Variants in TNR observed in about 807,000 individuals in gnomAD.
TNR encodes tenascin R.
Under a neutral mutation model 150.4 loss-of-function variants are expected in TNR, and 45 were observed. That is an observed-to-expected ratio of 0.30 (90% CI 0.24 to 0.38). The LOEUF is 0.38. TNR is among the 10% of genes least tolerant of loss of function. The pLI is 1.00. For missense variants in TNR, 1,544 were observed against 1,759.1 expected (o/e 0.88, Z 2.19); for synonymous variants, 687 against 678.4 (o/e 1.01, Z -0.20).
intron 1 of TNR, among the ~76,000 whole-genome samples, chr1:175,694,063 T>G (rs1392689862): frequency 2.6e-5 from 4 of 152,228 alleles, no homozygotes; most frequent in Non-Finnish European, 4.4e-5. Context: ...TTCTTACTCA[T>G]GTTGTATTTA....
At chr1:175,699,261 G>A (rs1666617012) in intron 1 of TNR, among the ~76,000 whole-genome samples, 1 of 152,194 alleles carries the variant, frequency 6.6e-6, no homozygotes, top group African/African-American at 2.4e-5. Flanking sequence ...GTGAAAGGGA[G>A]AGGAGTTGTT....
At position 175,406,283 on chromosome 1, in the gene TNR, C is replaced by T. The variant is rs1296518714; in HGVS notation, c.432G>A (p.Leu144=). The part of the protein sequence containing the change: ...LQELLSRIEM[L]EREVSVLRDQ... ...CTCGCAGCACCGACACCTCCCTCTC[C>T]AGCATCTCGATCCGGCTCAGCAGCT... The change falls in exon 3 of 23, where the codon CTG becomes CTA. Residue 144 remains leucine (L), a synonymous_variant. Coordinates refer to ENST00000367674, the MANE Select transcript of TNR (RefSeq NM_003285.3). 24 of 1,614,074 alleles carry T rather than the reference C, an allele frequency of 1.5e-5. No homozygotes were observed. Among genetic ancestry groups the T allele is most frequent in the Non-Finnish European group, 2.0e-5 (24 of 1,180,044 alleles).
At chr1:175,412,169 CAGATG>C (rs1654241466) in intron 2 of TNR, among the ~76,000 whole-genome samples, 1 of 152,160 alleles carries the variant, frequency 6.6e-6, no homozygotes, top group African/African-American at 2.4e-5. Context: ...AGTTAATGGG[CAGATG>C]AGCCAAGACT....
At chr1:175,386,556 T>C (rs1027195492) in intron 7 of TNR, among the ~76,000 whole-genome samples, 1 of 152,158 alleles carries the variant, frequency 6.6e-6, no homozygotes, top group African/African-American at 2.4e-5. Context: ...TGATGGCACT[T>C]CCCAGTCTGG....
intron 1 of TNR, among the ~76,000 whole-genome samples, chr1:175,735,814 C>G (rs1051365590): frequency 6.6e-6 from 1 of 152,142 alleles, no homozygotes; most frequent in Non-Finnish European, 1.5e-5. Context: ...TGGTCTCTGG[C>G]TGACTGCAGA....
chr1:175,667,356 C>A (rs1665560394), intron 1 of TNR, among the ~76,000 whole-genome samples: 1 of 152,232 alleles, frequency 6.6e-6, no homozygotes, highest in East Asian at 1.9e-4. Context: ...CCCCAGCCCA[C>A]ACCTAATGCT....
intron 2 of TNR, among the ~76,000 whole-genome samples, chr1:175,518,038 T>C (rs1031573363): frequency 6.6e-6 from 1 of 152,102 alleles, no homozygotes; most frequent in African/African-American, 2.4e-5. Context: ...GGAGTGTTGA[T>C]GGTTTAAGTA....
chr1:175,475,929 T>C (rs530878123), intron 2 of TNR, among the ~76,000 whole-genome samples: 1 of 152,334 alleles, frequency 6.6e-6, no homozygotes, highest in Non-Finnish European at 1.5e-5. Flanking sequence ...AATCGTCCTA[T>C]AATGAAATGA....
chr1:175,627,562 A>T (rs1051104939), intron 1 of TNR, among the ~76,000 whole-genome samples: 2 of 152,234 alleles, frequency 1.3e-5, no homozygotes, highest in African/African-American at 2.4e-5. Flanking sequence ...AAATGGCATA[A>T]TGATACTCAT....
intron 2 of TNR, among the ~76,000 whole-genome samples, chr1:175,469,484 C>A (rs964276260): frequency 6.6e-6 from 1 of 151,476 alleles, no homozygotes; most frequent in African/African-American, 2.4e-5. Context: ...TGAACTGGAC[C>A]CTAAAGAATA....
At chr1:175,365,774 A>C (rs1651810824) in intron 11 of TNR, 101 bp downstream of exon 11, 1 of 1,499,568 alleles carries the variant, frequency 6.7e-7, no homozygotes, top group African/African-American at 1.4e-5. Flanking sequence ...TCTTTTCTCC[A>C]AAGGAAATGG....
intron 1 of TNR, among the ~76,000 whole-genome samples, chr1:175,562,333 T>C (rs751846923): frequency 1.5e-4 from 23 of 152,294 alleles, no homozygotes; most frequent in African/African-American, 5.3e-4. Flanking sequence ...AATGCTCAAC[T>C]CAGACACATT....
chr1:175,643,060 T>C (rs1664713314), intron 1 of TNR, among the ~76,000 whole-genome samples: 1 of 152,202 alleles, frequency 6.6e-6, no homozygotes, highest in Admixed American at 6.5e-5. Flanking sequence ...GTTAATAGAA[T>C]TTTATAATCT....
rs530653120 is a variant in TNR, at chr1:175,571,248, C to T, written c.-164-42879G>A. Among the ~76,000 whole-genome samples, 43 of 152,316 alleles carry T rather than the reference C, an allele frequency of 2.8e-4. No homozygotes were observed. In the South Asian group the frequency reaches 8.7e-3, roughly 31 times the overall value. Reference sequence around the variant, plus strand: ...TTGTCATATCACTCTCTGACCACCTCTCCTTCTCTTTCTCTCTCTTTTAGT... The same window carrying T: ...TTGTCATATCACTCTCTGACCACCTTTCCTTCTCTTTCTCTCTCTTTTAGT... On this transcript the variant is annotated intron_variant, in intron 1 of 22. Coordinates refer to ENST00000367674, the MANE Select transcript of TNR (RefSeq NM_003285.3).
chr1:175,394,544 C>T (rs1351373425), intron 5 of TNR, among the ~76,000 whole-genome samples: 1 of 152,198 alleles, frequency 6.6e-6, no homozygotes, highest in African/African-American at 2.4e-5. Context: ...ACCACACAGT[C>T]ACATACACAT....
At chr1:175,495,682 T>C (rs1658457707) in intron 2 of TNR, among the ~76,000 whole-genome samples, 1 of 152,256 alleles carries the variant, frequency 6.6e-6, no homozygotes, top group South Asian at 2.1e-4. Context: ...CTGGGAATAG[T>C]ACACCCTGTG....
Position 175,356,476 on chromosome 1 carries a change from A to C in TNR, c.2975-14T>G. On this transcript the variant is annotated splice_polypyrimidine_tract_variant and intron_variant, in intron 15 of 22. Transcript: ENST00000367674. ...TCTCTCCAGCGACTGAACTCAAATG[A>C]ATATGAATAAGGGTTGAATAAGGCT... is the stretch of plus-strand genomic sequence containing the variant. The C allele has an allele frequency of 6.2e-7, 1 of 1,613,622 alleles. No individual in the cohort carries two copies. The highest frequency in any genetic ancestry group is 8.5e-7 in the Non-Finnish European group (1 of 1,179,718).
At chr1:175,519,133 C>G (rs1659530430) in intron 2 of TNR, among the ~76,000 whole-genome samples, 2 of 152,174 alleles carry the variant, frequency 1.3e-5, no homozygotes, top group Admixed American at 1.3e-4. Context: ...TCTGTAACAG[C>G]CAGACAGTAA....
chr1:175,351,357 G>C (rs578073773), intron 18 of TNR, among the ~76,000 whole-genome samples: 41 of 152,202 alleles, frequency 2.7e-4, no homozygotes, highest in Non-Finnish European at 5.4e-4. Context: ...CCATGCAAAT[G>C]ACTATGTAGC....
Sources: allele counts gnomAD v4.1 joint callset (sites outside exome capture counted in the v4.1 genomes callset), GRCh38; gene constraint gnomAD v4.1.1; transcripts MANE v1.5; gene names NCBI Gene and HGNC (gene_info 2026-07-23, HGNC 2026-07-21).